MNS1: variants seen among roughly 807,000 people sequenced by gnomAD.
MNS1 encodes meiosis specific nuclear structural 1.
In MNS1, 63 loss-of-function variants were observed where a neutral mutation model predicts 72.0. The ratio of observed to expected loss-of-function variants is 0.87; its 90% CI spans 0.71 to 1.08. The LOEUF (loss-of-function observed/expected upper bound fraction) is 1.08, where lower values mean the gene tolerates loss of function less well. MNS1 is among the 50% of genes least tolerant of loss of function. The probability of loss-of-function intolerance (pLI) is 0.00; values close to 1 mark genes in which losing one functional copy is unlikely to be tolerated. For missense variants in MNS1, 604 were observed against 562.4 expected (o/e 1.07, Z -0.75); for synonymous variants, 188 against 172.1 (o/e 1.09, Z -0.72).
chr15:56,461,400 C>T (rs1461253358), intron 2 of MNS1, among the ~76,000 whole-genome samples: 6 of 152,120 alleles, frequency 3.9e-5, no homozygotes, highest in African/African-American at 1.2e-4. Flanking sequence ...GTGGCTGACA[C>T]ATGTAATCCC....
chr15:56,454,126 T>C (rs746173915), intron 3 of MNS1, among the ~76,000 whole-genome samples: 7 of 152,088 alleles, frequency 4.6e-5, no homozygotes, highest in Non-Finnish European at 7.4e-5. Context: ...ACTGAATGAC[T>C]TTTAGTTTGA....
chr15:56,441,489 A>G (rs1486432539), intron 7 of MNS1, among the ~76,000 whole-genome samples: 7 of 152,186 alleles, frequency 4.6e-5, no homozygotes, highest in Non-Finnish European at 8.8e-5. Flanking sequence ...CATTCTGGAC[A>G]TAGGACCTGG....
At chr15:56,429,808 C>T (rs1198687230) in intron 9 of MNS1, 1 of 152,136 alleles carries the variant, frequency 6.6e-6, no homozygotes, top group Non-Finnish European at 1.5e-5. Context: ...TCATTTGGCA[C>T]CATTAGGACC....
intron 7 of MNS1, among the ~76,000 whole-genome samples, chr15:56,437,020 A>C (rs2050737583): frequency 6.6e-6 from 1 of 152,180 alleles, no homozygotes; most frequent in African/African-American, 2.4e-5. Flanking sequence ...ATTCTACCAG[A>C]GGTACAAGGA....
At chr15:56,463,923 T>G (rs2051040030) in intron 2 of MNS1, 103 bp downstream of exon 2, 1 of 922,992 alleles carries the variant, frequency 1.1e-6, no homozygotes, top group African/African-American at 1.7e-5. Context: ...ATCACTTACC[T>G]GCTGCTGTTG....
intron 2 of MNS1, chr15:56,463,780 C>CAAA: frequency 5.4e-5 from 19 of 349,184 alleles, no homozygotes; most frequent in South Asian, 9.1e-5. Context: ...AGACTCCATC[C>CAAA]AAAAAAAAAA....
intron 2 of MNS1, among the ~76,000 whole-genome samples, chr15:56,461,171 C>T (rs60328780): frequency 0.29 from 44,063 of 151,900 alleles, 6,998 homozygotes; most frequent in Middle Eastern, 0.48. Flanking sequence ...GGGCAATGTG[C>T]TTTATACTCA....
At chr15:56,431,645 T>C (rs2050599880) in intron 8 of MNS1, 147 bp from the exon 9 acceptor site, 1 of 567,972 alleles carries the variant, frequency 1.8e-6, no homozygotes, top group Non-Finnish European at 2.7e-6. Context: ...ATATATATTT[T>C]TAAAATATAT....
intron 7 of MNS1, among the ~76,000 whole-genome samples, chr15:56,438,330 C>T (rs1596257624): frequency 6.6e-6 from 1 of 150,880 alleles, no homozygotes. Context: ...CAACCATCTG[C>T]TCTTTTTTTT....
rs1719979023 is a variant in MNS1 at position 56,444,660 on chromosome 15, T to C, written c.470A>G (p.Glu157Gly). 6.2e-7 allele frequency: 1 copy of C among 1,611,066 alleles called. No homozygotes were observed. Among genetic ancestry groups the C allele is most frequent in the South Asian group, 1.1e-5 (1 of 90,322 alleles). ...TTCTTCCATCATGGTTTTGGCTATT[T>C]CAGCATCACGTTTCTGTTATTAAAA... ...IKYEQMKRDA[E>G]IAKTMMEEHK... Residue 157 changes from glutamate (E) to glycine (G), a missense_variant, in exon 5 of 10, where the codon GAA (glutamate) becomes GGA (glycine). Coordinates refer to ENST00000260453, the MANE Select transcript of MNS1 (RefSeq NM_018365.4).
intron 9 of MNS1, chr15:56,429,508 C>G (rs1197394961): frequency 5.2e-6 from 1 of 191,768 alleles, no homozygotes; most frequent in Non-Finnish European, 1.0e-5. Flanking sequence ...ATACTGTACC[C>G]TACCCTTTTC....
chr15:56,435,448 A>ATG (rs1331696033), intron 7 of MNS1, among the ~76,000 whole-genome samples: 1 of 152,060 alleles, frequency 6.6e-6, no homozygotes, highest in Non-Finnish European at 1.5e-5. Context: ...AAAAAAATGA[A>ATG]TGAATAAACA....
At chr15:56,454,547 G>C (rs2050969189) in intron 3 of MNS1, among the ~76,000 whole-genome samples, 1 of 151,822 alleles carries the variant, frequency 6.6e-6, no homozygotes, top group African/African-American at 2.4e-5. Context: ...TGTCTCTTTG[G>C]AGATAATCAT....
intron 7 of MNS1, among the ~76,000 whole-genome samples, chr15:56,436,688 A>G (rs146036670): frequency 0.029 from 4,486 of 152,254 alleles, 249 homozygotes; most frequent in African/African-American, 0.1. Context: ...TGAGAAGATC[A>G]ACAAAATTGA....
chr15:56,440,988 T>G (rs919997172), intron 7 of MNS1, among the ~76,000 whole-genome samples: 35 of 152,280 alleles, frequency 2.3e-4, no homozygotes, highest in African/African-American at 7.9e-4. Flanking sequence ...CTCATTAATT[T>G]TTAACCATTC....
chr15:56,437,394 G>C (rs1427650400), intron 7 of MNS1, among the ~76,000 whole-genome samples: 1 of 152,018 alleles, frequency 6.6e-6, no homozygotes, highest in South Asian at 2.1e-4. Flanking sequence ...ATGCAAAAAA[G>C]GCCCTTGACA....
intron 3 of MNS1, among the ~76,000 whole-genome samples, chr15:56,449,161 T>G (rs2050929819): frequency 6.6e-6 from 1 of 152,164 alleles, no homozygotes; most frequent in African/African-American, 2.4e-5. Context: ...TGCTTTTTCT[T>G]GCCCTATTGC....
chr15:56,431,414 G>C lies in MNS1; in HGVS notation c.1354C>G (p.Leu452Val), dbSNP rs145770150. Reference sequence around the variant, plus strand: ...AGTAAGTTTGTAGCATGCTCTTTAAGAAGTTTTAGCCTTTCTTCTTCAATA... The same window carrying C: ...AGTAAGTTTGTAGCATGCTCTTTAACAAGTTTTAGCCTTTCTTCTTCAATA... ...AIIEEERLKL[L>V]KEHATNLLGY... The change falls in exon 9 of 10, where the codon CTT (leucine) becomes GTT (valine). Residue 452 changes from leucine to valine, a missense_variant. Physicochemically the swap from Leu to Val is conservative, Grantham distance 32. Coordinates refer to ENST00000260453, the MANE Select transcript of MNS1 (RefSeq NM_018365.4). The C allele has an allele frequency of 4.3e-5, 70 of 1,613,300 alleles. No homozygotes were observed. The highest frequency in any genetic ancestry group is 5.7e-5 in the Non-Finnish European group (67 of 1,179,826).
chr15:56,443,993 G>C, intron 5 of MNS1, 139 bp from the exon 6 acceptor site: 1 of 686,012 alleles, frequency 1.5e-6, no homozygotes, highest in Non-Finnish European at 2.3e-6. Flanking sequence ...AATGCTTACT[G>C]TGTGCTAAAT....
Sources: gnomAD v4.1 joint callset for allele counts (sites outside exome capture counted in the v4.1 genomes callset) on GRCh38, gnomAD v4.1.1 for gene constraint, MANE v1.5 for transcripts, NCBI Gene and HGNC (gene_info 2026-07-23, HGNC 2026-07-21) for gene names.